The following GPC5 variants were observed in gnomAD, a reference collection of about 807,000 sequenced individuals.
The protein encoded by GPC5 is glypican-5.
In GPC5, 47 loss-of-function variants were observed where a neutral mutation model predicts 53.9. That is an observed-to-expected ratio of 0.87 (90% CI 0.69 to 1.11). The LOEUF (loss-of-function observed/expected upper bound fraction) is 1.11, where lower values mean the gene tolerates loss of function less well. Among genes scored for constraint, GPC5 ranks in the 50% most tolerant of loss-of-function variants. The pLI is 0.00. For missense variants in GPC5, 748 were observed against 713.1 expected (o/e 1.05, Z -0.56); for synonymous variants, 286 against 263.3 (o/e 1.09, Z -0.84).
intron 5 of GPC5, among the ~76,000 whole-genome samples, chr13:91,857,904 A>G (rs1400478608): frequency 1.3e-4 from 19 of 151,686 alleles, no homozygotes; most frequent in Admixed American, 1.2e-3. Flanking sequence ...TTTGAATGCT[A>G]TTAATTCAAA....
At position 91,893,081 on chromosome 13, in the gene GPC5, G is replaced by A. The variant is rs1019210833; in HGVS notation, c.1281-14856G>A. 3.3e-5 allele frequency among the ~76,000 whole-genome samples: 5 copies of A among 151,944 alleles called. 1 individual carries two copies. The highest frequency in any genetic ancestry group is 1.2e-4 in the African/African-American group (5 of 41,426). ...ACATTTTGTTGATAACTCATAAGAT[G>A]TAGCTGTTTTTATTAAACAAGCAAT... On this transcript the variant is annotated intron_variant, in intron 5 of 7. Transcript: ENST00000377067.
At chr13:91,992,435 T>C (rs981207647) in intron 6 of GPC5, among the ~76,000 whole-genome samples, 1 of 150,998 alleles carries the variant, frequency 6.6e-6, no homozygotes, top group Non-Finnish European at 1.5e-5. Flanking sequence ...ATTTAGTCTT[T>C]AAACATTTGT....
At position 92,745,417 on chromosome 13, in the gene GPC5, T is replaced by A. The variant is rs564239843; in HGVS notation, c.1562-120865T>A. The stretch of plus-strand genomic sequence containing the variant: ...TTGAATTCCATTCCTATGGAATCAC[T>A]GGTACAGAAGGTCCCTTGGTAAAGC... On this transcript the variant is annotated intron_variant, in intron 7 of 7. Transcript: ENST00000377067. Among the ~76,000 whole-genome samples, 3 of 152,248 alleles carry A rather than the reference T, an allele frequency of 2.0e-5. No individual in the cohort carries two copies. In the East Asian group the frequency reaches 5.8e-4, roughly 29 times the overall value.
At chr13:91,826,223 G>T (rs1439982080) in intron 5 of GPC5, among the ~76,000 whole-genome samples, 3 of 151,874 alleles carry the variant, frequency 2.0e-5, no homozygotes, top group East Asian at 1.9e-4. Context: ...AGCAGATAAA[G>T]ACTTTAAAGC....
At chr13:91,659,737 C>G (rs2034937992) in intron 2 of GPC5, among the ~76,000 whole-genome samples, 1 of 152,114 alleles carries the variant, frequency 6.6e-6, no homozygotes, top group Admixed American at 6.5e-5. Flanking sequence ...TTTCCAATTA[C>G]CACCTGTCCC....
intron 2 of GPC5, among the ~76,000 whole-genome samples, chr13:91,481,945 C>T (rs1374946515): frequency 6.6e-6 from 1 of 152,174 alleles, no homozygotes; most frequent in African/African-American, 2.4e-5. Context: ...CCACTAGACA[C>T]TCTTTCGCAT....
chr13:92,309,937 T>G (rs1300028306), intron 7 of GPC5, among the ~76,000 whole-genome samples: 2 of 152,082 alleles, frequency 1.3e-5, no homozygotes, highest in Non-Finnish European at 2.9e-5. Context: ...CCTGGCAGTC[T>G]TCTTCTCTCT....
chr13:92,432,299 A>AT (rs1366168639), intron 7 of GPC5, among the ~76,000 whole-genome samples: 2 of 141,544 alleles, frequency 1.4e-5, no homozygotes, highest in Admixed American at 1.4e-4. Flanking sequence ...AGTCAATGGT[A>AT]TTTTTTTATG....
chr13:91,648,270 G>C (rs547217711), intron 2 of GPC5, among the ~76,000 whole-genome samples: 2 of 152,112 alleles, frequency 1.3e-5, no homozygotes, highest in Admixed American at 6.5e-5. Flanking sequence ...TGTGCAATGT[G>C]TTGGGCATAA....
rs189985119 is a variant in GPC5 at position 92,189,509 on chromosome 13, C to G, written c.1561+44520C>G. On this transcript the variant is annotated intron_variant, in intron 7 of 7. Coordinates refer to ENST00000377067, the MANE Select transcript of GPC5 (RefSeq NM_004466.6). ...ATTAGACTGTAGAACAATTCTGTTCCCCCTCCAGCATGCCACTACATTACT... is the reference window on the plus strand; with the variant it reads ...ATTAGACTGTAGAACAATTCTGTTCGCCCTCCAGCATGCCACTACATTACT... 3.7e-3 allele frequency among the ~76,000 whole-genome samples: 569 copies of G among 152,212 alleles called. 2 individuals carry two copies. Among genetic ancestry groups the G allele is most frequent in the Non-Finnish European group, 5.9e-3 (399 of 68,014 alleles).
intron 7 of GPC5, among the ~76,000 whole-genome samples, chr13:92,557,327 A>C (rs912389671): frequency 6.6e-6 from 1 of 151,984 alleles, no homozygotes; most frequent in African/African-American, 2.4e-5. Flanking sequence ...TTAAAAAGCT[A>C]CGTAGATTCT....
At chr13:92,628,679 A>C (rs1178252652) in intron 7 of GPC5, among the ~76,000 whole-genome samples, 1 of 152,136 alleles carries the variant, frequency 6.6e-6, no homozygotes, top group Non-Finnish European at 1.5e-5. Context: ...ATCTCTGAAG[A>C]CACTTTAGAT....
At chr13:92,059,982 A>G (rs1489309994) in intron 6 of GPC5, 1 of 151,680 alleles carries the variant, frequency 6.6e-6, no homozygotes, top group Admixed American at 6.6e-5. Flanking sequence ...TAAAAAAAAA[A>G]CACTTTAAAA....
At chr13:92,100,609 A>G (rs2041458613) in intron 6 of GPC5, among the ~76,000 whole-genome samples, 2 of 152,242 alleles carry the variant, frequency 1.3e-5, no homozygotes, top group Non-Finnish European at 2.9e-5. Context: ...TTGATTGCTC[A>G]TATTCTCATG....
At chr13:92,862,550 T>TAG (rs1879214350) in intron 7 of GPC5, among the ~76,000 whole-genome samples, 1 of 151,944 alleles carries the variant, frequency 6.6e-6, no homozygotes, top group South Asian at 2.1e-4. Context: ...TAGATAGATA[T>TAG]ATAGATATAT....
At chr13:91,534,785 GTTTGTTTGT>G (rs1164752973) in intron 2 of GPC5, among the ~76,000 whole-genome samples, 4 of 150,104 alleles carry the variant, frequency 2.7e-5, no homozygotes, top group Middle Eastern at 3.5e-3. Context: ...TTGTTTGTTT[GTTTGTTTGT>G]TTTGTTTTGT....
intron 6 of GPC5, among the ~76,000 whole-genome samples, chr13:92,047,245 A>G (rs1033641318): frequency 6.6e-6 from 1 of 152,136 alleles, no homozygotes; most frequent in Non-Finnish European, 1.5e-5. Context: ...TTTTTATAAC[A>G]AAATAGATTG....
chr13:92,569,588 AG>A (rs1000810556), intron 7 of GPC5, among the ~76,000 whole-genome samples: 4 of 152,142 alleles, frequency 2.6e-5, no homozygotes, highest in African/African-American at 9.7e-5. Context: ...GGAATAGCAA[AG>A]GATGTCATCA....
At chr13:91,513,680 G>T (rs1205978688) in intron 2 of GPC5, among the ~76,000 whole-genome samples, 12 of 152,142 alleles carry the variant, frequency 7.9e-5, no homozygotes, top group Non-Finnish European at 1.5e-4. Context: ...GGTAGAGGTT[G>T]CAGTGAGCTA....
Sources: gnomAD v4.1 joint callset for allele counts (sites outside exome capture counted in the v4.1 genomes callset) on GRCh38, gnomAD v4.1.1 for gene constraint, MANE v1.5 for transcripts, NCBI Gene and HGNC (gene_info 2026-07-23, HGNC 2026-07-21) for gene names.